Variants in PARD3 observed in about 807,000 individuals in gnomAD.
The protein encoded by PARD3 is par-3 family cell polarity regulator, also known as partitioning defective 3 homolog.
A neutral mutation model predicts 155.4 loss-of-function variants in PARD3; 75 were observed. That is an observed-to-expected ratio of 0.48 (90% confidence interval 0.40 to 0.58). PARD3 has a LOEUF of 0.58. Among genes scored for constraint, PARD3 ranks in the 20% least tolerant of loss-of-function variants. PARD3 has a pLI of 0.00. For synonymous variants in PARD3, 576 were observed against 610.5 expected (o/e 0.94, Z 0.83); for missense variants, 1,642 against 1,721.7 (o/e 0.95, Z 0.82).
chr10:34,526,867 T>C (rs2082523484), intron 2 of PARD3, among the ~76,000 whole-genome samples: 1 of 152,236 alleles, frequency 6.6e-6, no homozygotes, highest in African/African-American at 2.4e-5. Flanking sequence ...TACCATCAAG[T>C]AATACCATCT....
At chr10:34,350,829 T>C (rs974862027) in intron 14 of PARD3, among the ~76,000 whole-genome samples, 5 of 152,284 alleles carry the variant, frequency 3.3e-5, no homozygotes, top group African/African-American at 1.2e-4. Context: ...TTCTACCTAT[T>C]AAAGAACAAA....
chr10:34,306,789 T>C (rs937917783), intron 20 of PARD3, among the ~76,000 whole-genome samples: 8 of 152,210 alleles, frequency 5.3e-5, no homozygotes, highest in Non-Finnish European at 1.0e-4. Flanking sequence ...CTTCCAAAGA[T>C]GGGAACGCCA....
intron 1 of PARD3, among the ~76,000 whole-genome samples, chr10:34,770,886 C>T (rs1171322291): frequency 1.3e-5 from 2 of 152,108 alleles, no homozygotes; most frequent in Non-Finnish European, 2.9e-5. Flanking sequence ...CATGGATTTG[C>T]CAGCCCTGGG....
At chr10:34,742,306 A>G (rs565165453) in intron 1 of PARD3, among the ~76,000 whole-genome samples, 6 of 152,356 alleles carry the variant, frequency 3.9e-5, no homozygotes, top group African/African-American at 1.4e-4. Flanking sequence ...CCAAAATCTC[A>G]GTAGTCACGA....
At chr10:34,562,012 T>C (rs575813089) in intron 2 of PARD3, among the ~76,000 whole-genome samples, 2 of 146,472 alleles carry the variant, frequency 1.4e-5, no homozygotes, top group African/African-American at 5.1e-5. Flanking sequence ...CAGGCGCCTG[T>C]AGTTCCAGCT....
intron 2 of PARD3, among the ~76,000 whole-genome samples, chr10:34,622,725 T>C (rs957675141): frequency 6.6e-6 from 1 of 151,940 alleles, no homozygotes; most frequent in South Asian, 2.1e-4. Flanking sequence ...GAAAACAAGA[T>C]AATTTTGTTA....
At chr10:34,255,611 G>C (rs187211603) in intron 22 of PARD3, among the ~76,000 whole-genome samples, 2 of 152,322 alleles carry the variant, frequency 1.3e-5, no homozygotes, top group African/African-American at 4.8e-5. Flanking sequence ...TTGTCATGCA[G>C]ATTTATCTGG....
intron 2 of PARD3, among the ~76,000 whole-genome samples, chr10:34,655,484 A>G (rs964081152): frequency 6.6e-6 from 1 of 152,148 alleles, no homozygotes; most frequent in Admixed American, 6.5e-5. Context: ...CCTGGAGAAA[A>G]GTGCAGAATG....
chr10:34,569,020 C>T (rs914258922), intron 2 of PARD3, among the ~76,000 whole-genome samples: 2 of 152,138 alleles, frequency 1.3e-5, no homozygotes, highest in African/African-American at 4.8e-5. Flanking sequence ...CCTGTTCATG[C>T]TAAGTAAAAG....
rs747098230 is a variant in PARD3 at position 34,470,198 on chromosome 10, C to T, written c.469G>A (p.Asp157Asn). 7.4e-6 allele frequency: 12 copies of T among 1,613,262 alleles called. No homozygotes were observed. The Admixed American group carries it at 2.0e-4, about 27-fold the overall frequency. The change falls in exon 4 of 25, where the codon GAT becomes AAT. Residue 157 changes from aspartate to asparagine, a missense_variant. Transcript: ENST00000374788. The part of the protein sequence containing the change: ...ALIGLSTSVS[D>N]SNFSSEEPSR... ...GGCTCTTCAGAGGAAAAATTACTAT[C>T]ACTGACAGAAGTGGAGAGGCCAATT...
chr10:34,154,418 T>C (rs906389068), intron 22 of PARD3, among the ~76,000 whole-genome samples: 2 of 152,176 alleles, frequency 1.3e-5, no homozygotes, highest in African/African-American at 4.8e-5. Context: ...CACTGCAGCT[T>C]TCCTGGCAAC....
intron 5 of PARD3, among the ~76,000 whole-genome samples, chr10:34,431,826 G>A (rs556111136): frequency 6.7e-6 from 1 of 149,038 alleles, no homozygotes; most frequent in South Asian, 2.1e-4. Context: ...GAGGCGGGTG[G>A]ATCATTAGGT....
chr10:34,114,072 C>A (rs1017201593), intron 24 of PARD3, among the ~76,000 whole-genome samples: 1 of 152,000 alleles, frequency 6.6e-6, no homozygotes, highest in African/African-American at 2.4e-5. Flanking sequence ...GCCTGGGTAA[C>A]ATAGTGAGAC....
chr10:34,404,741 T>C (rs1049206758), intron 5 of PARD3, among the ~76,000 whole-genome samples: 2 of 152,224 alleles, frequency 1.3e-5, no homozygotes, highest in Admixed American at 6.5e-5. Context: ...ATGCAAGTTA[T>C]GTACCTTTCC....
chr10:34,809,762 G>T (rs1843868814), intron 1 of PARD3, among the ~76,000 whole-genome samples: 1 of 152,130 alleles, frequency 6.6e-6, no homozygotes, highest in South Asian at 2.1e-4. Context: ...GGAAAGATCA[G>T]CCTTTCAAAA....
At chr10:34,697,148 T>G (rs2094190265) in intron 1 of PARD3, among the ~76,000 whole-genome samples, 1 of 152,168 alleles carries the variant, frequency 6.6e-6, no homozygotes, top group African/African-American at 2.4e-5. Context: ...TTCTATATGG[T>G]GTACGTATAT....
At chr10:34,559,057 T>A (rs1021214535) in intron 2 of PARD3, among the ~76,000 whole-genome samples, 1 of 151,534 alleles carries the variant, frequency 6.6e-6, no homozygotes, top group African/African-American at 2.4e-5. Context: ...CCCACAGAAT[T>A]AGCCTCTAAG....
chr10:34,331,983 G>A lies in PARD3; in HGVS notation c.2606-639C>T, dbSNP rs547221719. Among the ~76,000 whole-genome samples the A allele has an allele frequency of 1.8e-4, 28 of 152,216 alleles. No individual in the cohort carries two copies. The South Asian group carries it at 4.6e-3, about 25-fold the overall frequency. ...AGGAAGAGTAACACAAGCTTTGAAC[G>A]GAAACAGATTACATAAGGGCTCTCT... On this transcript the variant is annotated intron_variant, in intron 18 of 24. Coordinates refer to ENST00000374788, the MANE Select transcript of PARD3 (RefSeq NM_001184785.2).
At chr10:34,257,442 C>A (rs1157025866) in intron 22 of PARD3, among the ~76,000 whole-genome samples, 3 of 152,146 alleles carry the variant, frequency 2.0e-5, no homozygotes, top group Admixed American at 2.0e-4. Context: ...GTTATCGTGC[C>A]AAATTGCACA....
Sources: gnomAD v4.1 joint callset for allele counts (sites outside exome capture counted in the v4.1 genomes callset) on GRCh38, gnomAD v4.1.1 for gene constraint, MANE v1.5 for transcripts, NCBI Gene and HGNC (gene_info 2026-07-23, HGNC 2026-07-21) for gene names.